The following HECTD4 variants were observed in gnomAD, a reference collection of about 807,000 sequenced individuals.
HECTD4 encodes HECT domain E3 ubiquitin protein ligase 4, also known as probable E3 ubiquitin-protein ligase HECTD4.
Under a neutral mutation model 471.5 loss-of-function variants are expected in HECTD4, and 114 were observed. The observed-to-expected ratio is 0.24, with a 90% CI of 0.21 to 0.28. The LOEUF (loss-of-function observed/expected upper bound fraction) is 0.28, where lower values mean the gene tolerates loss of function less well. HECTD4 is among the 10% of genes least tolerant of loss of function. The pLI is 1.00. For missense variants in HECTD4, 3,866 were observed against 5,651.5 expected, an observed-to-expected ratio of 0.68 and a Z score of 10.13; for synonymous variants, 2,012 against 2,256.0, an observed-to-expected ratio of 0.89 and a Z score of 3.07.
Position 112,235,027 on chromosome 12 carries a change from G to A in HECTD4, c.5915+50C>T. 6.6e-7 allele frequency: 1 copy of A among 1,507,142 alleles called. No homozygotes were observed. The highest frequency in any genetic ancestry group is 1.2e-5 in the South Asian group (1 of 80,374). 93.4% of individuals were successfully genotyped at this position (1,507,142 alleles called of 1,614,324 possible). A position where few individuals can be genotyped will look rare whatever the true frequency, so the allele number is the denominator to read the frequency against. Reference sequence around the variant, plus strand: ...AGGGCTTACTTAGCACAGTGCCTGTGACATGGGTGGTGCTTGAGGATGTGT... The same window carrying A: ...AGGGCTTACTTAGCACAGTGCCTGTAACATGGGTGGTGCTTGAGGATGTGT... On this transcript the variant is annotated intron_variant, in intron 37 of 75. Coordinates refer to ENST00000682272, the MANE Select transcript of HECTD4 (RefSeq NM_001388303.1). The surrounding 1 kb of genome is among the most constrained non-coding windows in gnomAD (Gnocchi z 5.0).
intron 35 of HECTD4, 120 bp downstream of exon 35, chr12:112,236,815 TGAGGCAAGAG>T: frequency 1.3e-6 from 1 of 782,742 alleles, no homozygotes; most frequent in Non-Finnish European, 1.8e-6. Context: ...ATTATTTTTT[TGAGGCAAGAG>T]TGTGTCAAAA....
In HECTD4 at chr12:112,210,203, T is replaced by G. The variant is rs2032719581; in HGVS notation, c.7679A>C (p.Glu2560Ala). The G allele has an allele frequency of 1.2e-6, 2 of 1,613,852 alleles. No individual in the cohort carries two copies. The highest frequency in any genetic ancestry group is 2.7e-5 in the African/African-American group (2 of 74,924). Reference sequence around the variant, plus strand: ...AGCAGCATTGCGGTGGGCCTGCCCTTCCGCGTAGGCAAACGGCCGGGAGCC... The same window carrying G: ...AGCAGCATTGCGGTGGGCCTGCCCTGCCGCGTAGGCAAACGGCCGGGAGCC... ...NFGSRPFAYA[E>A]GQAHRNAADL... is the part of the protein sequence containing the mutation. Residue 2560 changes from glutamate (E) to alanine (A), a missense_variant, in exon 50 of 76, where the codon GAA (glutamate) becomes GCA (alanine). Around this residue, in one of 16 missense-constraint regions of HECTD4, gnomAD observed 617 missense variants for 915.1 expected, o/e 0.67. Coordinates refer to ENST00000682272, the MANE Select transcript of HECTD4 (RefSeq NM_001388303.1).
intron 54 of HECTD4, chr12:112,201,436 ATTAATGACATAC>A (rs1248166420): frequency 1.3e-5 from 2 of 157,462 alleles, no homozygotes; most frequent in African/African-American, 4.8e-5. Context: ...ATAAATGTGA[ATTAATGACATAC>A]TAGAAAGGCC....
rs936421157 is a variant in HECTD4, at chr12:112,265,891, C to T, written c.2485G>A (p.Asp829Asn). The part of the protein sequence containing the change: ...LQNNRFGSDE[D>N]DHYRLNDELL... ...AACTGGTGTCACCTGTAATGATCAT[C>T]CTCATCACTGCCAAATCGGTTGTTT... The change falls in exon 15 of 76, where the codon GAT becomes AAT. Residue 829 changes from aspartate to asparagine, a missense_variant. Asp to Asn is a conservative substitution (Grantham distance 23). This residue lies in a region of HECTD4 where 525 missense variants were observed against 672.6 expected (regional missense o/e 0.78). Coordinates refer to ENST00000682272, the MANE Select transcript of HECTD4 (RefSeq NM_001388303.1). 2.5e-6 allele frequency: 4 copies of T among 1,613,388 alleles called. No homozygotes were observed. In the Admixed American group the frequency reaches 6.7e-5, roughly 27 times the overall value.
At chr12:112,297,233 GAGGATGTAAGTGCAGC>G (rs2035057096) in intron 7 of HECTD4, among the ~76,000 whole-genome samples, 1 of 148,692 alleles carries the variant, frequency 6.7e-6, no homozygotes, top group African/African-American at 2.5e-5. Flanking sequence ...TGTAGGTGCA[GAGGATGTAAGTGCAGC>G]AAGTGGTAAG....
chr12:112,292,775 C>A (rs2034914876), intron 7 of HECTD4, among the ~76,000 whole-genome samples: 1 of 152,136 alleles, frequency 6.6e-6, no homozygotes, highest in Admixed American at 6.5e-5. Flanking sequence ...GTAATCCCAG[C>A]ACTTTGGGAG....
In HECTD4 at chr12:112,304,141, AT is replaced by A. The variant is rs1782276373; in HGVS notation, c.1335+1922del. Among the ~76,000 whole-genome samples the A allele has an allele frequency of 3.3e-5, 5 of 150,630 alleles. 1 individual carries two copies. The South Asian group carries it at 1.0e-3, about 32-fold the overall frequency. ...TATCCAAAAAGAAAAAAGTGTGTGG[AT>A]TTTTTTGATACAATTTTTTCTTTTA... is the stretch of plus-strand genomic sequence containing the variant. On this transcript the variant is annotated intron_variant, in intron 7 of 75. Transcript: ENST00000682272.
chr12:112,252,651 A>C (rs2033918413), intron 22 of HECTD4, 123 bp from the exon 23 acceptor site: 28 of 1,162,534 alleles, frequency 2.4e-5, no homozygotes, highest in Non-Finnish European at 3.0e-5. Flanking sequence ...TCCTTTTCTC[A>C]TTTGCTTTTT....
intron 7 of HECTD4, among the ~76,000 whole-genome samples, chr12:112,302,957 T>A (rs1000364428): frequency 3.3e-5 from 5 of 151,288 alleles, no homozygotes; most frequent in Admixed American, 2.6e-4. Flanking sequence ...TTTGTTTGTT[T>A]GGGTTTTTAT....
chr12:112,242,668 G>C lies in HECTD4; in HGVS notation c.4958+685C>G, dbSNP rs1249035918. The stretch of plus-strand genomic sequence containing the variant: ...CTCATGCCTGTAATCACAGCACTTT[G>C]GGGGGGCCGAGGCAGGCAGATCACC... On this transcript the variant is annotated intron_variant, in intron 32 of 75. Coordinates refer to ENST00000682272, the MANE Select transcript of HECTD4 (RefSeq NM_001388303.1). 4.0e-5 allele frequency among the ~76,000 whole-genome samples: 6 copies of C among 151,222 alleles called. No individual in the cohort carries two copies. The East Asian group carries it at 9.8e-4, about 25-fold the overall frequency.
rs905860995 is a variant in HECTD4, at chr12:112,296,571, C to T, written c.1335+9493G>A. Among the ~76,000 whole-genome samples the T allele has an allele frequency of 1.1e-4, 16 of 149,876 alleles. 1 individual carries two copies. Among genetic ancestry groups the T allele is most frequent in the Admixed American group, 1.1e-3 (16 of 15,120 alleles). Reference sequence around the variant, plus strand: ...GACGTAGGTGCAAAGGGTGTAAGTACAGTGGATGTAGGTGCAGATGGTGTA... The same window carrying T: ...GACGTAGGTGCAAAGGGTGTAAGTATAGTGGATGTAGGTGCAGATGGTGTA... On this transcript the variant is annotated intron_variant, in intron 7 of 75. Coordinates refer to ENST00000682272, the MANE Select transcript of HECTD4 (RefSeq NM_001388303.1).
intron 1 of HECTD4, among the ~76,000 whole-genome samples, chr12:112,374,065 A>G (rs1566128957): frequency 6.6e-6 from 1 of 151,682 alleles, no homozygotes; most frequent in Non-Finnish European, 1.5e-5. Context: ...GGCCAGGTGC[A>G]GTGGCTCACA....
At chr12:112,226,614 A>G (rs1231395218) in intron 44 of HECTD4, 29 bp downstream of exon 44, 2 of 1,418,074 alleles carry the variant, frequency 1.4e-6, no homozygotes, top group Admixed American at 3.6e-5. Context: ...TCAATAAAAC[A>G]GGGTGGTAAG....
chr12:112,254,647 A>G (rs543027640), intron 21 of HECTD4, among the ~76,000 whole-genome samples: 40 of 152,334 alleles, frequency 2.6e-4, no homozygotes, highest in East Asian at 2.5e-3. Context: ...CAATGAATAA[A>G]TAAGAATTTT....
At chr12:112,285,951 T>C (rs2034743879) in intron 7 of HECTD4, among the ~76,000 whole-genome samples, 1 of 152,062 alleles carries the variant, frequency 6.6e-6, no homozygotes, top group African/African-American at 2.4e-5. Flanking sequence ...GCATCCAAGA[T>C]AAAAATCAAT....
chr12:112,313,696 G>A (rs933725509), intron 3 of HECTD4, among the ~76,000 whole-genome samples: 1 of 151,530 alleles, frequency 6.6e-6, no homozygotes, highest in Non-Finnish European at 1.5e-5. Context: ...TGCCATGTTG[G>A]CAGGCTGGTT....
chr12:112,196,846 A>T (rs1225472522), intron 55 of HECTD4, among the ~76,000 whole-genome samples: 1 of 151,936 alleles, frequency 6.6e-6, no homozygotes, highest in Non-Finnish European at 1.5e-5. Flanking sequence ...CTCAGGCTGG[A>T]GTGCAGTGGT....
chr12:112,342,685 A>G (rs1724452238), intron 1 of HECTD4, among the ~76,000 whole-genome samples: 1 of 152,206 alleles, frequency 6.6e-6, no homozygotes, highest in African/African-American at 2.4e-5. Context: ...CACTGAAAAA[A>G]ACTCTAGTGC....
Position 112,162,371 on chromosome 12 carries a change from C to T in HECTD4, c.*16G>A. Reference sequence around the variant, plus strand: ...TGGGTGCCTCAGTGACAGCCTAATTCTGGGGCTCCCTCCCATCAGCCACTG... The same window carrying T: ...TGGGTGCCTCAGTGACAGCCTAATTTTGGGGCTCCCTCCCATCAGCCACTG... On this transcript the variant is annotated 3_prime_UTR_variant, in exon 76 of 76. Transcript: ENST00000682272. The surrounding 1 kb of genome is among the most constrained non-coding windows in gnomAD (Gnocchi z 5.2). 6.2e-7 allele frequency: 1 copy of T among 1,613,842 alleles called. No homozygotes were observed. The highest frequency in any genetic ancestry group is 8.5e-7 in the Non-Finnish European group (1 of 1,179,842).
Sources: gnomAD v4.1 joint callset for allele counts (sites outside exome capture counted in the v4.1 genomes callset) on GRCh38, gnomAD v4.1.1 for gene constraint, gnomAD v4.1.1 regional missense constraint, Gnocchi (gnomAD v3.1) non-coding constraint, MANE v1.5 for transcripts, NCBI Gene and HGNC (gene_info 2026-07-23, HGNC 2026-07-21) for gene names.